Variants in PSD3 observed in about 807,000 individuals in gnomAD.
PSD3 encodes the protein pleckstrin and Sec7 domain containing 3, also known as PH and SEC7 domain-containing protein 3.
A neutral mutation model predicts 105.5 loss-of-function variants in PSD3; 49 were observed. That is an observed-to-expected ratio of 0.46 (90% CI 0.37 to 0.59). The LOEUF (loss-of-function observed/expected upper bound fraction) is 0.59, where lower values mean the gene tolerates loss of function less well. Ranked by LOEUF, PSD3 falls within the 20% of genes least tolerant of loss-of-function variation. PSD3 has a pLI of 0.00. For synonymous variants in PSD3, 557 were observed against 457.8 expected, an observed-to-expected ratio of 1.22 and a Z score of -2.77; for missense variants, 1,561 against 1,263.8, an observed-to-expected ratio of 1.24 and a Z score of -3.57.
chr8:18,972,155 G>A (rs911262211), intron 1 of PSD3, among the ~76,000 whole-genome samples: 1 of 152,296 alleles, frequency 6.6e-6, no homozygotes, highest in Admixed American at 6.5e-5. Context: ...AGTATGATCT[G>A]ATGAAAGCTA....
intron 11 of PSD3, among the ~76,000 whole-genome samples, chr8:18,600,753 G>A (rs1804380626): frequency 6.6e-6 from 1 of 152,282 alleles, no homozygotes; most frequent in African/African-American, 2.4e-5. Flanking sequence ...AGGTAGCATG[G>A]CTGACAACAG....
intron 11 of PSD3, among the ~76,000 whole-genome samples, chr8:18,605,907 G>C (rs892454434): frequency 2.0e-5 from 3 of 152,078 alleles, no homozygotes; most frequent in Admixed American, 2.0e-4. Context: ...GTTTCCTGAG[G>C]CCTTCCCAGA....
At position 18,804,419 on chromosome 8, in the gene PSD3, GT is replaced by G. The variant is rs1423623662; in HGVS notation, c.1910+102del. ...AGGAATACTCCACCTATACATGGAG[GT>G]TTAAAAAAAAAAAATAAGATTCTAG... On this transcript the variant is annotated intron_variant, in intron 6 of 15. Transcript: ENST00000327040. 2.7e-5 allele frequency: 24 copies of G among 887,166 alleles called. 1 individual carries two copies. In the South Asian group the frequency reaches 3.2e-4, roughly 12 times the overall value. 55.0% of individuals were successfully genotyped at this position (887,166 alleles called of 1,614,324 possible). A position where few individuals can be genotyped will look rare whatever the true frequency, so the allele number is the denominator to read the frequency against.
intron 4 of PSD3, among the ~76,000 whole-genome samples, chr8:18,865,545 C>G (rs541456429): frequency 3.3e-5 from 5 of 152,036 alleles, no homozygotes; most frequent in Admixed American, 2.0e-4. Flanking sequence ...CCACCTGTAA[C>G]CACTTATTAT....
At chr8:18,855,776 G>A (rs902800) in intron 4 of PSD3, among the ~76,000 whole-genome samples, 6,647 of 152,278 alleles carry the variant, frequency 0.044, 486 homozygotes, top group African/African-American at 0.15. Flanking sequence ...ACTTCACTAC[G>A]TAGGGAAGGA....
chr8:18,912,059 A>G (rs1004296341), intron 2 of PSD3, among the ~76,000 whole-genome samples: 28 of 152,292 alleles, frequency 1.8e-4, no homozygotes, highest in Non-Finnish European at 2.4e-4. Context: ...TACATGAGGA[A>G]AAAAATCAAC....
At chr8:18,785,592 C>T (rs1356315520) in intron 8 of PSD3, among the ~76,000 whole-genome samples, 2 of 152,124 alleles carry the variant, frequency 1.3e-5, no homozygotes, top group Non-Finnish European at 2.9e-5. Context: ...TTGTGATCAC[C>T]GGAATGGCAC....
intron 1 of PSD3, among the ~76,000 whole-genome samples, chr8:18,936,712 C>T (rs1196076156): frequency 1.3e-5 from 2 of 150,740 alleles, no homozygotes; most frequent in Admixed American, 1.3e-4. Context: ...GAGCCAAGAT[C>T]GTGCCACTGC....
At chr8:18,634,128 T>C (rs1342757742) in intron 10 of PSD3, among the ~76,000 whole-genome samples, 2 of 152,086 alleles carry the variant, frequency 1.3e-5, no homozygotes, top group African/African-American at 2.4e-5. Flanking sequence ...GTTTTTTGCT[T>C]GTTGAATTGT....
At chr8:18,598,593 C>T (rs569354178) in intron 12 of PSD3, among the ~76,000 whole-genome samples, 2 of 152,046 alleles carry the variant, frequency 1.3e-5, no homozygotes, top group Admixed American at 6.6e-5. Flanking sequence ...ATATTAATAT[C>T]CTTTCATGAT....
chr8:18,985,295 C>T (rs957901053), intron 1 of PSD3, among the ~76,000 whole-genome samples: 4 of 152,128 alleles, frequency 2.6e-5, no homozygotes, highest in South Asian at 2.1e-4. Context: ...AACTGAAACA[C>T]TATACCTCCT....
At chr8:19,010,030 C>A (rs1417432219) in intron 1 of PSD3, among the ~76,000 whole-genome samples, 1 of 152,154 alleles carries the variant, frequency 6.6e-6, no homozygotes, top group Non-Finnish European at 1.5e-5. Flanking sequence ...ATCCTAAATC[C>A]CTAACTCCAA....
chr8:18,608,642 G>C (rs981304917), intron 11 of PSD3, among the ~76,000 whole-genome samples: 2 of 152,130 alleles, frequency 1.3e-5, no homozygotes, highest in South Asian at 4.1e-4. Flanking sequence ...ACTGATTTTT[G>C]TAAAAGTGAA....
At chr8:18,660,581 C>A (rs140243167) in intron 9 of PSD3, among the ~76,000 whole-genome samples, 2,030 of 152,282 alleles carry the variant, frequency 0.013, 25 homozygotes, top group Non-Finnish European at 0.022. Context: ...GTGGTCTTAT[C>A]TAAAGATGTG....
chr8:18,824,650 T>G (rs76090091), intron 4 of PSD3, among the ~76,000 whole-genome samples: 11,703 of 152,266 alleles, frequency 0.077, 1,247 homozygotes, highest in African/African-American at 0.23. Flanking sequence ...CATCTATCAC[T>G]GGCTAAGGCA....
chr8:18,652,783 C>G (rs553153654), intron 10 of PSD3, among the ~76,000 whole-genome samples: 31 of 152,190 alleles, frequency 2.0e-4, no homozygotes, highest in Admixed American at 1.7e-3. Flanking sequence ...CAGGTGTCAG[C>G]GACCGTGCCC....
intron 14 of PSD3, among the ~76,000 whole-genome samples, chr8:18,566,607 A>G (rs1201980454): frequency 2.6e-5 from 4 of 152,150 alleles, no homozygotes; most frequent in Non-Finnish European, 5.9e-5. Context: ...AGGCCCACAA[A>G]GCAAATGCTG....
chr8:18,692,579 T>C (rs2130999121), intron 9 of PSD3, among the ~76,000 whole-genome samples: 1 of 152,208 alleles, frequency 6.6e-6, no homozygotes, highest in Non-Finnish European at 1.5e-5. Context: ...CTGAGAAATA[T>C]ATTTAAGAAG....
intron 2 of PSD3, among the ~76,000 whole-genome samples, chr8:18,902,402 A>C (rs906356347): frequency 2.6e-5 from 4 of 151,982 alleles, no homozygotes; most frequent in Admixed American, 6.6e-5. Context: ...TGTTTTCCTG[A>C]CTTCATTAAA....
Sources: gnomAD v4.1 joint callset for allele counts (sites outside exome capture counted in the v4.1 genomes callset) on GRCh38, gnomAD v4.1.1 for gene constraint, MANE v1.5 for transcripts, NCBI Gene and HGNC (gene_info 2026-07-23, HGNC 2026-07-21) for gene names.